SIK3: variants seen among roughly 807,000 people sequenced by gnomAD.
SIK3 encodes SIK family kinase 3.
A neutral mutation model predicts 144.2 loss-of-function variants in SIK3; 28 were observed. The observed-to-expected ratio is 0.19, with a 90% confidence interval of 0.14 to 0.27. SIK3 has a LOEUF of 0.27. SIK3 is among the 10% of genes least tolerant of loss of function. The pLI is 1.00. For missense variants in SIK3, 1,319 were observed against 1,776.0 expected, an observed-to-expected ratio of 0.74 and a Z score of 4.62; for synonymous variants, 686 against 676.3, an observed-to-expected ratio of 1.01 and a Z score of -0.22.
chr11:117,001,219 T>A (rs886801557), intron 1 of SIK3, among the ~76,000 whole-genome samples: 2 of 152,216 alleles, frequency 1.3e-5, no homozygotes, highest in Non-Finnish European at 2.9e-5. Flanking sequence ...TAAAAAGTAA[T>A]CTGAGGCCAG....
At chr11:116,857,483 T>G (rs760894491) in intron 21 of SIK3, 12 of 292,968 alleles carry the variant, frequency 4.1e-5, no homozygotes, top group Non-Finnish European at 5.7e-5. Flanking sequence ...TGGGCTGACT[T>G]TTTTTCTATT....
intron 3 of SIK3, among the ~76,000 whole-genome samples, chr11:116,942,728 G>C (rs1420319276): frequency 6.6e-6 from 1 of 152,180 alleles, no homozygotes; most frequent in Non-Finnish European, 1.5e-5. Flanking sequence ...ACAGCGAAGG[G>C]TTTAATGAAA....
At chr11:117,023,621 A>AAAAAAAAAAATAT (rs754624841) in intron 1 of SIK3, among the ~76,000 whole-genome samples, 1 of 95,420 alleles carries the variant, frequency 1.0e-5, no homozygotes, top group African/African-American at 4.3e-5. Context: ...AAAAAAAAAA[A>AAAAAAAAAAATAT]ATATATATAT....
intron 1 of SIK3, among the ~76,000 whole-genome samples, chr11:117,060,150 T>C (rs1400810546): frequency 6.6e-6 from 1 of 152,002 alleles, no homozygotes; most frequent in Non-Finnish European, 1.5e-5. Context: ...ATCCAGACAA[T>C]GGAATATTAG....
intron 1 of SIK3, among the ~76,000 whole-genome samples, chr11:117,013,959 C>CTTTTTTTT (rs1232857124): frequency 3.6e-4 from 3 of 8,246 alleles, no homozygotes; most frequent in African/African-American, 7.2e-4. Context: ...TGTTTTATTT[C>CTTTTTTTT]TTTTTTTCTT....
chr11:117,062,918 GTAT>G (rs1263952857), intron 1 of SIK3, among the ~76,000 whole-genome samples: 1 of 152,130 alleles, frequency 6.6e-6, no homozygotes, highest in Non-Finnish European at 1.5e-5. Context: ...AAAAACATAC[GTAT>G]TAAAAGCACA....
chr11:116,894,814 C>T (rs956680647), intron 6 of SIK3, among the ~76,000 whole-genome samples: 7 of 152,154 alleles, frequency 4.6e-5, no homozygotes, highest in African/African-American at 1.7e-4. Context: ...ATCTCGACAC[C>T]CCAGACTGGG....
chr11:117,035,214 A>G (rs1393161458), intron 1 of SIK3, among the ~76,000 whole-genome samples: 1 of 152,220 alleles, frequency 6.6e-6, no homozygotes, highest in Non-Finnish European at 1.5e-5. Flanking sequence ...AGTATAAACA[A>G]AATCTGTTTA....
At position 116,932,266 on chromosome 11, in the gene SIK3, T is replaced by A. The variant is rs79193677; in HGVS notation, c.455-4886A>T. On this transcript the variant is annotated intron_variant, in intron 3 of 24. Transcript: ENST00000445177. ...AGCAGCCAAGGTAGTAATCTTTTTT[T>A]AAAAACTTTTTATTTTGAGATAATT... is the stretch of plus-strand genomic sequence containing the variant. Among the ~76,000 whole-genome samples the A allele has an allele frequency of 3.5e-3, 537 of 152,284 alleles. 5 individuals carry two copies. The highest frequency in any genetic ancestry group is 0.012 in the African/African-American group (509 of 41,528).
At position 116,852,532 on chromosome 11, in the gene SIK3, T is replaced by C. The variant is rs570455485; in HGVS notation, c.3656-3249A>G. On this transcript the variant is annotated intron_variant, in intron 21 of 24. Coordinates refer to ENST00000445177, the MANE Select transcript of SIK3 (RefSeq NM_001366686.3). ...GAGCAGGAGCTCGGGCAAGTTATCT[T>C]GCTTTGCTGGGTCTTAGTTATCTGT... Among the ~76,000 whole-genome samples the C allele has an allele frequency of 2.0e-5, 3 of 152,368 alleles. No individual in the cohort carries two copies. The East Asian group carries it at 5.8e-4, about 29-fold the overall frequency.
chr11:117,069,189 G>T (rs1028879112), intron 1 of SIK3, among the ~76,000 whole-genome samples: 3 of 144,264 alleles, frequency 2.1e-5, no homozygotes, highest in Non-Finnish European at 4.6e-5. Context: ...TTTTTTGGGG[G>T]GGGGGGGGTT....
At chr11:116,875,043 G>T in intron 11 of SIK3, 115 bp downstream of exon 11, 1 of 763,264 alleles carries the variant, frequency 1.3e-6, no homozygotes. Flanking sequence ...TTGGCCACTG[G>T]ATTAGATCTC....
chr11:116,866,112 CCTT>C (rs1294168877), intron 15 of SIK3, among the ~76,000 whole-genome samples: 1 of 152,110 alleles, frequency 6.6e-6, no homozygotes, highest in Admixed American at 6.5e-5. Context: ...GTGTGGACCT[CCTT>C]GAGTAACAAA....
chr11:116,851,744 G>A (rs552415994), intron 21 of SIK3, among the ~76,000 whole-genome samples: 17 of 152,290 alleles, frequency 1.1e-4, no homozygotes, highest in Admixed American at 2.6e-4. Flanking sequence ...GGATTAGCCC[G>A]CCCGTCCTAC....
chr11:117,080,156 C>T (rs530424279), intron 1 of SIK3, among the ~76,000 whole-genome samples: 2 of 152,246 alleles, frequency 1.3e-5, no homozygotes, highest in African/African-American at 4.8e-5. Flanking sequence ...TTAAATGATG[C>T]TCGAATGTAC....
intron 1 of SIK3, among the ~76,000 whole-genome samples, chr11:117,052,200 A>G (rs530198885): frequency 9.2e-5 from 14 of 152,276 alleles, no homozygotes; most frequent in Admixed American, 8.5e-4. Flanking sequence ...GAATCCTAAT[A>G]CAAGTCCAGA....
At chr11:116,926,249 G>C (rs1369357944) in intron 4 of SIK3, among the ~76,000 whole-genome samples, 1 of 152,194 alleles carries the variant, frequency 6.6e-6, no homozygotes, top group African/African-American at 2.4e-5. Context: ...ACCGGAAAGT[G>C]TCGGCAAACA....
At chr11:116,952,911 C>T (rs1473245388) in intron 3 of SIK3, among the ~76,000 whole-genome samples, 1 of 152,148 alleles carries the variant, frequency 6.6e-6, no homozygotes, top group Non-Finnish European at 1.5e-5. Flanking sequence ...AATAAAGTAT[C>T]CCCTCCCATA....
chr11:117,011,870 C>T (rs1033075575), intron 1 of SIK3, among the ~76,000 whole-genome samples: 1 of 152,048 alleles, frequency 6.6e-6, no homozygotes, highest in African/African-American at 2.4e-5. Context: ...GACTGTGGCA[C>T]TCCAGCCTAC....
Sources: allele counts gnomAD v4.1 joint callset (sites outside exome capture counted in the v4.1 genomes callset), GRCh38; gene constraint gnomAD v4.1.1; transcripts MANE v1.5; gene names NCBI Gene and HGNC (gene_info 2026-07-23, HGNC 2026-07-21).